IGF1R: variants seen among roughly 807,000 people sequenced by gnomAD.
IGF1R encodes the protein insulin like growth factor 1 receptor.
Under a neutral mutation model 144.6 loss-of-function variants are expected in IGF1R, and 44 were observed. The ratio of observed to expected loss-of-function variants is 0.30; its 90% CI spans 0.24 to 0.39. The LOEUF is 0.39. IGF1R is among the 10% of genes least tolerant of loss of function. The probability of loss-of-function intolerance (pLI) is 1.00; values close to 1 mark genes in which losing one functional copy is unlikely to be tolerated. For missense variants in IGF1R, 1,355 were observed against 1,833.7 expected (o/e 0.74, Z 4.77); for synonymous variants, 795 against 722.8 (o/e 1.10, Z -1.60).
chr15:98,753,549 T>A (rs1284787420), intron 2 of IGF1R, among the ~76,000 whole-genome samples: 2 of 151,944 alleles, frequency 1.3e-5, no homozygotes, highest in Non-Finnish European at 2.9e-5. Context: ...TATATAAATT[T>A]TGATATAAAT....
rs1310080818 is a variant in IGF1R at position 98,957,405 on chromosome 15, A to C, written c.4067A>C (p.Glu1356Ala). 6.2e-7 allele frequency: 1 copy of C among 1,613,112 alleles called. No individual in the cohort carries two copies. The highest frequency in any genetic ancestry group is 8.5e-7 in the Non-Finnish European group (1 of 1,180,050). Reference sequence around the variant, plus strand: ...CACATGAACGGGGGCCGCAAGAACGAGCGGGCCTTGCCGCTGCCCCAGTCT... The same window carrying C: ...CACATGAACGGGGGCCGCAAGAACGCGCGGGCCTTGCCGCTGCCCCAGTCT... Reference protein sequence around the residue: ...YAHMNGGRKNERALPLPQSST... With the variant: ...YAHMNGGRKNARALPLPQSST... Residue 1356 changes from glutamate (E) to alanine (A), a missense_variant, in exon 21 of 21, where the codon GAG becomes GCG. Around this residue, in one of 7 missense-constraint regions of IGF1R, gnomAD observed 219 missense variants for 188.8 expected, o/e 1.16. Coordinates refer to ENST00000650285, the MANE Select transcript of IGF1R (RefSeq NM_000875.5).
At chr15:98,752,629 G>T (rs1239705831) in intron 2 of IGF1R, among the ~76,000 whole-genome samples, 1 of 151,990 alleles carries the variant, frequency 6.6e-6, no homozygotes, top group East Asian at 1.9e-4. Context: ...CTTGCAGTGA[G>T]CGGAGATTGT....
In IGF1R at chr15:98,960,124, AC is replaced by A. The variant is rs1279699530; in HGVS notation, c.*2684del. ...AAGAATACATCTCACCTTTCTCAGC[AC>A]CTGACAATAGGCCGTTGATACTGGT... On this transcript the variant is annotated 3_prime_UTR_variant, in exon 21 of 21. Coordinates refer to ENST00000650285, the MANE Select transcript of IGF1R (RefSeq NM_000875.5). 1.7e-5 allele frequency: 4 copies of A among 233,462 alleles called. No homozygotes were observed. Among genetic ancestry groups the A allele is most frequent in the Non-Finnish European group, 2.5e-5 (3 of 118,040 alleles). The allele number at this position is 233,462 out of a possible 1,614,324, so 14.5% of individuals were successfully genotyped here.
intron 1 of IGF1R, among the ~76,000 whole-genome samples, 187 bp downstream of exon 1, chr15:98,649,862 C>T (rs910483143): frequency 5.3e-5 from 8 of 152,134 alleles, no homozygotes; most frequent in Non-Finnish European, 1.0e-4. Context: ...CGGGCTCGTT[C>T]GTCTGGAGCC....
intron 1 of IGF1R, among the ~76,000 whole-genome samples, chr15:98,701,429 C>T (rs562263864): frequency 4.3e-5 from 6 of 140,286 alleles, no homozygotes; most frequent in African/African-American, 8.0e-5. Context: ...CTCCGCCTCC[C>T]GGGTTCATGC....
At position 98,964,474 on chromosome 15, in the gene IGF1R, G is replaced by T. The variant is rs1221462054; in HGVS notation, c.*7032G>T. Reference sequence around the variant, plus strand: ...AGGCAACGTTAGTTTCTCTTACTCTGCTTTTTTCTAGTAAAGTACTACATG... The same window carrying T: ...AGGCAACGTTAGTTTCTCTTACTCTTCTTTTTTCTAGTAAAGTACTACATG... On this transcript the variant is annotated 3_prime_UTR_variant, in exon 21 of 21. Transcript: ENST00000650285. The T allele has an allele frequency of 1.4e-5, 3 of 221,468 alleles. No homozygotes were observed. Among genetic ancestry groups the T allele is most frequent in the Non-Finnish European group, 2.7e-5 (3 of 111,420 alleles). 13.7% of individuals were successfully genotyped at this position (221,468 alleles called of 1,614,324 possible).
In IGF1R at chr15:98,793,613, CAG is replaced by C. The variant is rs375536250; in HGVS notation, c.640+85508_640+85509del. Among the ~76,000 whole-genome samples the C allele has an allele frequency of 1.6e-3, 249 of 152,274 alleles. 2 individuals carry two copies. Among genetic ancestry groups the C allele is most frequent in the African/African-American group, 5.6e-3 (233 of 41,560 alleles). On this transcript the variant is annotated intron_variant, in intron 2 of 20. Coordinates refer to ENST00000650285, the MANE Select transcript of IGF1R (RefSeq NM_000875.5). ...GACAGTTTAGATGTTGTTATTTTGA[CAG>C]AAATATTAGTAAATATGTCACATTA...
intron 2 of IGF1R, among the ~76,000 whole-genome samples, chr15:98,745,251 T>C (rs371655111): frequency 5.9e-5 from 9 of 152,238 alleles, no homozygotes; most frequent in Non-Finnish European, 2.9e-5. Flanking sequence ...ACTCTTGATA[T>C]TACAAAATGA....
intron 2 of IGF1R, among the ~76,000 whole-genome samples, chr15:98,803,943 A>G (rs1344694088): frequency 6.6e-6 from 1 of 152,216 alleles, no homozygotes; most frequent in Non-Finnish European, 1.5e-5. Flanking sequence ...TACGTGCTGT[A>G]CTTTTATACA....
chr15:98,818,584 C>CG (rs2056742981), intron 2 of IGF1R, among the ~76,000 whole-genome samples: 1 of 119,472 alleles, frequency 8.4e-6, no homozygotes, highest in East Asian at 2.7e-4. Context: ...AGTGGCAGGG[C>CG]GGGGGGTAGG....
At chr15:98,772,476 A>AATTATTATTATTATTATT (rs147636909) in intron 2 of IGF1R, among the ~76,000 whole-genome samples, 8 of 62,528 alleles carry the variant, frequency 1.3e-4, no homozygotes, top group African/African-American at 3.2e-4. Context: ...GTCACTTAAA[A>AATTATTATTATTATTATT]ATTATTATTA....
chr15:98,787,507 C>G (rs755430601), intron 2 of IGF1R, among the ~76,000 whole-genome samples: 2 of 152,176 alleles, frequency 1.3e-5, no homozygotes, highest in Non-Finnish European at 2.9e-5. Context: ...TAACCCTCCC[C>G]CCACCTTTGC....
chr15:98,880,447 T>C (rs2013314457), intron 2 of IGF1R, among the ~76,000 whole-genome samples: 1 of 152,238 alleles, frequency 6.6e-6, no homozygotes, highest in East Asian at 1.9e-4. Flanking sequence ...AGTGATCCAG[T>C]GGGCACTGTC....
intron 2 of IGF1R, among the ~76,000 whole-genome samples, chr15:98,746,788 C>G (rs1399256281): frequency 6.6e-6 from 1 of 152,084 alleles, no homozygotes; most frequent in South Asian, 2.1e-4. Flanking sequence ...GTTGAGGCCC[C>G]CAGGTGCATG....
At position 98,707,924 on chromosome 15, in the gene IGF1R, T is replaced by A. The variant is rs774104340; in HGVS notation, c.457T>A (p.Ser153Thr). 6.2e-7 allele frequency: 1 copy of A among 1,614,166 alleles called. No individual in the cohort carries two copies. Among genetic ancestry groups the A allele is most frequent in the Non-Finnish European group, 8.5e-7 (1 of 1,180,030 alleles). The change falls in exon 2 of 21, where the codon TCC becomes ACC. Residue 153 changes from serine to threonine, a missense_variant. By Grantham distance (58) the Ser-to-Thr change is moderately conservative. This residue lies in a region of IGF1R where 880 missense variants were observed against 1,202.7 expected (regional missense o/e 0.73). Coordinates refer to ENST00000650285, the MANE Select transcript of IGF1R (RefSeq NM_000875.5). The surrounding 1 kb of genome is among the most constrained non-coding windows in gnomAD (Gnocchi z 6.7). ...IEKNADLCYLSTVDWSLILDA... is the reference protein window; with the variant it reads ...IEKNADLCYLTTVDWSLILDA... Reference sequence around the variant, plus strand: ...GAAAAATGCTGACCTCTGTTACCTCTCCACTGTGGACTGGTCCCTGATCCT... The same window carrying A: ...GAAAAATGCTGACCTCTGTTACCTCACCACTGTGGACTGGTCCCTGATCCT...
chr15:98,718,789 A>AC (rs1481902512), intron 2 of IGF1R, among the ~76,000 whole-genome samples: 2 of 152,164 alleles, frequency 1.3e-5, no homozygotes, highest in East Asian at 3.9e-4. Context: ...AAAAGGAAAG[A>AC]CGAAGGTTGA....
chr15:98,889,725 G>C (rs2013814346), intron 2 of IGF1R, among the ~76,000 whole-genome samples: 2 of 152,094 alleles, frequency 1.3e-5, no homozygotes, highest in South Asian at 4.2e-4. Flanking sequence ...GTCACTTGTG[G>C]GTAGGTGGAC....
At chr15:98,860,644 C>T (rs1567165712) in intron 2 of IGF1R, among the ~76,000 whole-genome samples, 1 of 152,130 alleles carries the variant, frequency 6.6e-6, no homozygotes, top group Non-Finnish European at 1.5e-5. Context: ...TACAGTGATA[C>T]CCTCAAGGCT....
At chr15:98,817,451 G>A (rs1457004030) in intron 2 of IGF1R, among the ~76,000 whole-genome samples, 1 of 152,142 alleles carries the variant, frequency 6.6e-6, no homozygotes, top group Non-Finnish European at 1.5e-5. Context: ...CAATGCAGGA[G>A]TGCTGGGTTG....
Sources: gnomAD v4.1 joint callset for allele counts (sites outside exome capture counted in the v4.1 genomes callset) on GRCh38, gnomAD v4.1.1 for gene constraint, gnomAD v4.1.1 regional missense constraint, Gnocchi (gnomAD v3.1) non-coding constraint, MANE v1.5 for transcripts, NCBI Gene and HGNC (gene_info 2026-07-23, HGNC 2026-07-21) for gene names.